Variants in GZMB observed in about 807,000 individuals in gnomAD.
GZMB encodes the protein T-cell serine protease 1-3E.
A neutral mutation model predicts 24.2 loss-of-function variants in GZMB; 27 were observed. The observed-to-expected ratio is 1.12, with a 90% CI of 0.82 to 1.54. GZMB has a LOEUF of 1.54. Among genes scored for constraint, GZMB ranks in the 40% most tolerant of loss-of-function variants. The pLI, the probability that GZMB is intolerant of heterozygous loss-of-function variation, is 0.00. For missense variants in GZMB, 336 were observed against 310.1 expected (o/e 1.08, Z -0.63); for synonymous variants, 121 against 115.1 (o/e 1.05, Z -0.33).
At chr14:24,632,526 G>A in intron 2 of GZMB, 67 bp from the exon 3 acceptor site, 1 of 1,609,360 alleles carries the variant, frequency 6.2e-7, no homozygotes, top group Non-Finnish European at 8.5e-7. Context: ...ACAGTGAAGA[G>A]CAGGTGACAG....
At chr14:24,632,623 G>C in intron 2 of GZMB, 164 bp from the exon 3 acceptor site, 1 of 1,158,930 alleles carries the variant, frequency 8.6e-7, no homozygotes. Flanking sequence ...AGGTTTCTCA[G>C]GGTTCGGTTC....
rs1432173549 is a variant in GZMB at position 24,632,406 on chromosome 14, T to A, written c.257A>T (p.Gln86Leu). The A allele has an allele frequency of 6.2e-7, 1 of 1,613,612 alleles. No individual in the cohort carries two copies. Among genetic ancestry groups the A allele is most frequent in the Non-Finnish European group, 8.5e-7 (1 of 1,179,798 alleles). Reference sequence around the variant, plus strand: ...GGGTCTTTTCACAGGGATAAACTGCTGGGTCGGCTCCTGTTCTTTGATATT... The same window carrying A: ...GGGTCTTTTCACAGGGATAAACTGCAGGGTCGGCTCCTGTTCTTTGATATT... ...AHNIKEQEPT[Q>L]QFIPVKRPIP... The change falls in exon 3 of 5, where the codon CAG becomes CTG. Residue 86 changes from glutamine to leucine, a missense_variant. Coordinates refer to ENST00000216341, the MANE Select transcript of GZMB (RefSeq NM_004131.6).
intron 3 of GZMB, 51 bp from the exon 4 acceptor site, chr14:24,632,169 C>A: frequency 6.2e-7 from 1 of 1,601,778 alleles, no homozygotes; most frequent in Admixed American, 1.7e-5. Context: ...ACTTCTGGGC[C>A]CCGACACAGT....
At chr14:24,631,729 T>A (rs551190199) in intron 4 of GZMB, 129 bp downstream of exon 4, 2 of 825,678 alleles carry the variant, frequency 2.4e-6, no homozygotes, top group Non-Finnish European at 4.0e-6. Flanking sequence ...AGTCCCCTCT[T>A]CTCTTTCCAG....
At position 24,633,764 on chromosome 14, in the gene GZMB, G is replaced by C. The variant is rs1236242391; in HGVS notation, c.55+342C>G. On this transcript the variant is annotated intron_variant, in intron 1 of 4. Transcript: ENST00000216341. ...TAAGTAGACAGTGAGAGAAGCACCT[G>C]TCTTATCCCAGAAACAGAAGCCAGG... 8 of 378,014 alleles carry C rather than the reference G, an allele frequency of 2.1e-5. No homozygotes were observed. The East Asian group carries it at 5.0e-4, about 24-fold the overall frequency. 23.4% of individuals were successfully genotyped at this position (378,014 alleles called of 1,614,324 possible). A position where few individuals can be genotyped will look rare whatever the true frequency, so the allele number is the denominator to read the frequency against.
At chr14:24,631,723 C>G in intron 4 of GZMB, 135 bp downstream of exon 4, 1 of 781,424 alleles carries the variant, frequency 1.3e-6, no homozygotes, top group Non-Finnish European at 2.1e-6. Context: ...CAGTCTAGTC[C>G]CCTCTTCTCT....
In GZMB at chr14:24,634,175, T is replaced by G; in HGVS notation, c.-15A>C. 6.3e-7 allele frequency: 1 copy of G among 1,582,560 alleles called. No individual in the cohort carries two copies. Among genetic ancestry groups the G allele is most frequent in the Non-Finnish European group, 8.6e-7 (1 of 1,164,658 alleles). On this transcript the variant is annotated 5_prime_UTR_variant, in exon 1 of 5. Transcript: ENST00000216341. Reference sequence around the variant, plus strand: ...ATTGGTTGCATCTTCTCAGGAAGGCTGCCCTGGTTGGAGCTGCTGTTGTTT... The same window carrying G: ...ATTGGTTGCATCTTCTCAGGAAGGCGGCCCTGGTTGGAGCTGCTGTTGTTT...
intron 2 of GZMB, 165 bp from the exon 3 acceptor site, chr14:24,632,624 G>T (rs2067007814): frequency 1.7e-6 from 2 of 1,147,692 alleles, no homozygotes; most frequent in Non-Finnish European, 1.3e-6. Context: ...GGTTTCTCAG[G>T]GTTCGGTTCC....
intron 1 of GZMB, 162 bp downstream of exon 1, chr14:24,633,944 T>C (rs899911450): frequency 1.4e-6 from 1 of 736,104 alleles, no homozygotes; most frequent in Middle Eastern, 2.3e-4. Context: ...TGCTCTGCCA[T>C]TCCTGCTGAT....
intron 3 of GZMB, 87 bp downstream of exon 3, chr14:24,632,237 G>A: frequency 6.6e-7 from 1 of 1,514,146 alleles, no homozygotes; most frequent in Non-Finnish European, 9.0e-7. Flanking sequence ...CAAGAGGCCA[G>A]GATGGAAAGG....
chr14:24,631,749 T>C (rs1860838020), intron 4 of GZMB, 109 bp downstream of exon 4: 3 of 898,700 alleles, frequency 3.3e-6, no homozygotes, highest in Admixed American at 1.9e-5. Flanking sequence ...GAGAGAAATA[T>C]CACAGTCTAG....
At chr14:24,631,466 G>T (rs1263024625) in intron 4 of GZMB, 11 of 554,760 alleles carry the variant, frequency 2.0e-5, no homozygotes, top group African/African-American at 1.5e-4. Flanking sequence ...GGGACCGTTG[G>T]CTGTTTAAGG....
At chr14:24,631,525 C>T in intron 4 of GZMB, 2 of 543,632 alleles carry the variant, frequency 3.7e-6, no homozygotes, top group Non-Finnish European at 6.5e-6. Context: ...AGGACCAGCC[C>T]ATTAACCACG....
At chr14:24,634,023 G>T in intron 1 of GZMB, 83 bp downstream of exon 1, 1 of 1,188,144 alleles carries the variant, frequency 8.4e-7, no homozygotes, top group Non-Finnish European at 1.2e-6. Flanking sequence ...ATTCCTGGTA[G>T]ATAGATGGAT....
Position 24,632,019 on chromosome 14 carries a change from A to C in GZMB, c.439T>G (p.Trp147Gly). ...TTTCCCAGGGGGGCCGTCTGCCCCC[A>C]GCCGGCCACACTGCATGTCTGCCCT... Reference protein sequence around the residue: ...KPGQTCSVAGWGQTAPLGKHS... With the variant: ...KPGQTCSVAGGGQTAPLGKHS... Residue 147 changes from tryptophan to glycine, a missense_variant, in exon 4 of 5, where the codon TGG (tryptophan) becomes GGG (glycine). Physicochemically the swap from Trp to Gly is radical, Grantham distance 184. Coordinates refer to ENST00000216341, the MANE Select transcript of GZMB (RefSeq NM_004131.6). The C allele has an allele frequency of 6.2e-7, 1 of 1,614,204 alleles. No homozygotes were observed. Among genetic ancestry groups the C allele is most frequent in the Non-Finnish European group, 8.5e-7 (1 of 1,180,016 alleles).
chr14:24,633,162 T>C (rs1195709224), intron 1 of GZMB, 100 bp from the exon 2 acceptor site: 1 of 1,490,678 alleles, frequency 6.7e-7, no homozygotes, highest in African/African-American at 1.4e-5. Context: ...GAGCCTGGGA[T>C]AGCCTGGAGT....
chr14:24,632,551 C>T, intron 2 of GZMB, 92 bp from the exon 3 acceptor site: 1 of 1,589,650 alleles, frequency 6.3e-7, no homozygotes, highest in Non-Finnish European at 8.6e-7. Context: ...GGCAGGGCTG[C>T]AGCTGAGGGG....
At chr14:24,631,651 A>G in intron 4 of GZMB, 2 of 597,432 alleles carry the variant, frequency 3.3e-6, no homozygotes, top group Non-Finnish European at 5.9e-6. Context: ...ATCCTTCCAA[A>G]GAAGCACCAT....
intron 2 of GZMB, chr14:24,632,669 A>T (rs770274334): frequency 1.5e-5 from 13 of 857,822 alleles, no homozygotes; most frequent in Non-Finnish European, 2.3e-5. Flanking sequence ...TTCAGTTTGT[A>T]TTCTATGCCA....
Sources: gnomAD v4.1 joint callset for allele counts on GRCh38, gnomAD v4.1.1 for gene constraint, MANE v1.5 for transcripts, NCBI Gene and HGNC (gene_info 2026-07-23, HGNC 2026-07-21) for gene names.